RAD18: variants seen among roughly 807,000 people sequenced by gnomAD.
RAD18 encodes the protein RAD18 E3 ubiquitin protein ligase.
In RAD18, 47 loss-of-function variants were observed where a neutral mutation model predicts 60.4. The observed-to-expected ratio is 0.78, with a 90% CI of 0.62 to 0.99. RAD18 has a LOEUF of 0.99. Among genes scored for constraint, RAD18 ranks in the 50% least tolerant of loss-of-function variants. RAD18 has a pLI of 0.00. For missense variants in RAD18, 640 were observed against 593.3 expected, an observed-to-expected ratio of 1.08 and a Z score of -0.82; for synonymous variants, 225 against 195.5, an observed-to-expected ratio of 1.15 and a Z score of -1.26.
At position 8,935,846 on chromosome 3, in the gene RAD18, A is replaced by G. The variant is rs1027859067; in HGVS notation, c.889+25T>C. 7.3e-6 allele frequency: 11 copies of G among 1,510,804 alleles called. No homozygotes were observed. The African/African-American group carries it at 1.6e-4, about 21-fold the overall frequency. The allele number at this position is 1,510,804 out of a possible 1,614,324, so 93.6% of individuals were successfully genotyped here. On this transcript the variant is annotated intron_variant, in intron 7 of 12. Coordinates refer to ENST00000264926, the MANE Select transcript of RAD18 (RefSeq NM_020165.4). ...AAATTGCTTTATCCAGAAAGTAAGCATAACTCACTGTTTTATTACTTTACC... is the reference window on the plus strand; with the variant it reads ...AAATTGCTTTATCCAGAAAGTAAGCGTAACTCACTGTTTTATTACTTTACC...
At chr3:8,929,552 A>C (rs1032874669) in intron 7 of RAD18, among the ~76,000 whole-genome samples, 1 of 152,214 alleles carries the variant, frequency 6.6e-6, no homozygotes, top group Admixed American at 6.5e-5. Context: ...AATATTCAAA[A>C]ATTAATCACT....
intron 7 of RAD18, among the ~76,000 whole-genome samples, chr3:8,920,333 C>A (rs944745559): frequency 6.6e-6 from 1 of 151,398 alleles, no homozygotes; most frequent in Non-Finnish European, 1.5e-5. Flanking sequence ...GAGGGAAGGG[C>A]TCTTGTTTTC....
At chr3:8,901,992 A>G (rs481748) in intron 10 of RAD18, among the ~76,000 whole-genome samples, 129,312 of 152,202 alleles carry the variant, frequency 0.85, 55,277 homozygotes, top group African/African-American at 0.93. Flanking sequence ...AGGTATGTTA[A>G]CTTTAGACTG....
At chr3:8,925,054 T>G (rs1472607351) in intron 7 of RAD18, among the ~76,000 whole-genome samples, 1 of 151,452 alleles carries the variant, frequency 6.6e-6, no homozygotes, top group Non-Finnish European at 1.5e-5. Flanking sequence ...AAGAAATAAC[T>G]AAGATCAGAG....
At position 8,898,951 on chromosome 3, in the gene RAD18, G is replaced by C. The variant is rs774670962; in HGVS notation, c.1265C>G (p.Ser422Cys). 42 of 1,608,992 alleles carry C rather than the reference G, an allele frequency of 2.6e-5. No homozygotes were observed. Among genetic ancestry groups the C allele is most frequent in the Non-Finnish European group, 3.6e-5 (42 of 1,176,744 alleles). The change falls in exon 11 of 13, where the codon TCT becomes TGT. Residue 422 changes from serine (S) to cysteine (C), a missense_variant. Physicochemically the swap from Ser to Cys is moderately radical, Grantham distance 112. Transcript: ENST00000264926. ...AACTTCTTGAATATCAATACAGCTA[G>C]AAGAATCCTCTTCTCTGTCAGGTTC... ...ELEPDREEDS[S>C]SCIDIQEVLS...
Position 8,880,644 on chromosome 3 carries a change from T to C in RAD18, c.*713A>G, listed in dbSNP as rs913834249. 3.9e-5 allele frequency: 6 copies of C among 152,242 alleles called. No individual in the cohort carries two copies. Among genetic ancestry groups the C allele is most frequent in the South Asian group, 2.1e-4 (1 of 4,830 alleles). The allele number at this position is 152,242 out of a possible 1,614,324, so 9.4% of individuals were successfully genotyped here. A position where few individuals can be genotyped will look rare whatever the true frequency, so the allele number is the denominator to read the frequency against. On this transcript the variant is annotated 3_prime_UTR_variant, in exon 13 of 13. Coordinates refer to ENST00000264926, the MANE Select transcript of RAD18 (RefSeq NM_020165.4). Reference sequence around the variant, plus strand: ...CTTGGATTCAGTGTTACAGATTTGATTGACCCAAGTGAAAAAATACTGACA... The same window carrying C: ...CTTGGATTCAGTGTTACAGATTTGACTGACCCAAGTGAAAAAATACTGACA...
intron 7 of RAD18, among the ~76,000 whole-genome samples, chr3:8,922,082 C>A (rs950768856): frequency 4.5e-4 from 68 of 152,280 alleles, no homozygotes; most frequent in African/African-American, 1.6e-3. Context: ...GATTTTCGGA[C>A]AGTGGGTGCA....
chr3:8,906,470 C>T (rs1223174277), intron 9 of RAD18, among the ~76,000 whole-genome samples: 1 of 152,172 alleles, frequency 6.6e-6, no homozygotes, highest in Admixed American at 6.5e-5. Flanking sequence ...TCAATCAACT[C>T]TAAACACTTC....
intron 7 of RAD18, among the ~76,000 whole-genome samples, chr3:8,917,876 AT>A (rs1449075336): frequency 6.6e-6 from 1 of 152,156 alleles, no homozygotes; most frequent in Non-Finnish European, 1.5e-5. Context: ...ACTATCAAAA[AT>A]AACCCATTTT....
chr3:8,941,696 A>G lies in RAD18; in HGVS notation c.375T>C (p.Ser125=), dbSNP rs750693621. 12 of 1,614,066 alleles carry G rather than the reference A, an allele frequency of 7.4e-6. 1 individual carries two copies. The South Asian group carries it at 1.2e-4, about 16-fold the overall frequency. Residue 125 remains serine (S), a synonymous_variant, in exon 5 of 13, where the codon TCT becomes TCC. Transcript: ENST00000264926. ...KVYTPVASRQ[S]LKQGSRLMDN... is the part of the protein sequence containing the mutation. ...CCATTAACCTGCTCCCCTGCTTTAA[A>G]GACTGTCTGGAGGCTACAGGAGTAT...
intron 7 of RAD18, among the ~76,000 whole-genome samples, chr3:8,930,881 C>G (rs2125063043): frequency 6.6e-6 from 1 of 152,132 alleles, no homozygotes; most frequent in Admixed American, 6.5e-5. Flanking sequence ...TCTGGGGAGA[C>G]AGACCCTTGA....
At chr3:8,919,794 A>G (rs1033915685) in intron 7 of RAD18, among the ~76,000 whole-genome samples, 1 of 152,206 alleles carries the variant, frequency 6.6e-6, no homozygotes, top group Non-Finnish European at 1.5e-5. Flanking sequence ...AAGAGCAAGA[A>G]AAGTCTGCAA....
At chr3:8,915,802 C>T (rs1487950092) in intron 7 of RAD18, among the ~76,000 whole-genome samples, 1 of 152,074 alleles carries the variant, frequency 6.6e-6, no homozygotes, top group Non-Finnish European at 1.5e-5. Flanking sequence ...CCAGGATGGT[C>T]TCGATCTCCT....
In RAD18 at chr3:8,910,057, G is replaced by A. The variant is rs190740929; in HGVS notation, c.1027+2255C>T. The stretch of plus-strand genomic sequence containing the variant: ...AGGAAGGAGGAGAGCAGAATTCCCA[G>A]AAAGTTGGTGACAAGAAATTCCAGA... On this transcript the variant is annotated intron_variant, in intron 9 of 12. Transcript: ENST00000264926. Among the ~76,000 whole-genome samples, 168 of 152,286 alleles carry A rather than the reference G, an allele frequency of 1.1e-3. 3 individuals carry two copies. Among genetic ancestry groups the A allele is most frequent in the African/African-American group, 3.9e-3 (162 of 41,554 alleles).
At chr3:8,894,141 A>G (rs1025621857) in intron 11 of RAD18, among the ~76,000 whole-genome samples, 4 of 152,246 alleles carry the variant, frequency 2.6e-5, no homozygotes, top group Non-Finnish European at 4.4e-5. Flanking sequence ...TAGTGGTAGC[A>G]GAAAAATCAA....
chr3:8,904,598 T>C (rs1041047205), intron 9 of RAD18, among the ~76,000 whole-genome samples: 1 of 151,988 alleles, frequency 6.6e-6, no homozygotes, highest in Admixed American at 6.5e-5. Flanking sequence ...AGTGAGATCC[T>C]ATCTAGGACA....
intron 7 of RAD18, among the ~76,000 whole-genome samples, chr3:8,923,267 G>A (rs1940363413): frequency 6.6e-6 from 1 of 152,206 alleles, no homozygotes; most frequent in African/African-American, 2.4e-5. Context: ...CGTGACGAAT[G>A]CACAAGCCTC....
At chr3:8,946,965 A>T in intron 4 of RAD18, 1 of 332,266 alleles carries the variant, frequency 3.0e-6, no homozygotes, top group African/African-American at 2.2e-5. Context: ...TCTTCAGAGC[A>T]CCCAAAAGTA....
chr3:8,956,565 G>A (rs1280927207), intron 2 of RAD18, among the ~76,000 whole-genome samples: 1 of 152,148 alleles, frequency 6.6e-6, no homozygotes, highest in African/African-American at 2.4e-5. Context: ...TCACAGATAA[G>A]GGGGGACTAC....
Sources: allele counts gnomAD v4.1 joint callset (sites outside exome capture counted in the v4.1 genomes callset), GRCh38; gene constraint gnomAD v4.1.1; transcripts MANE v1.5; gene names NCBI Gene and HGNC (gene_info 2026-07-23, HGNC 2026-07-21).